The following ATF6 variants were observed in gnomAD, a reference collection of about 807,000 sequenced individuals.
ATF6 encodes cyclic AMP-dependent transcription factor ATF-6 alpha.
A neutral mutation model predicts 83.6 loss-of-function variants in ATF6; 53 were observed. The observed-to-expected ratio is 0.63, with a 90% CI of 0.51 to 0.80. The LOEUF is 0.80. ATF6 is among the 30% of genes least tolerant of loss of function. The probability of loss-of-function intolerance (pLI) is 0.00; values close to 1 mark genes in which losing one functional copy is unlikely to be tolerated. For missense variants in ATF6, 744 were observed against 797.9 expected, an observed-to-expected ratio of 0.93 and a Z score of 0.81; for synonymous variants, 288 against 285.8, an observed-to-expected ratio of 1.01 and a Z score of -0.08.
chr1:161,838,083 C>T (rs1193568703), intron 9 of ATF6, among the ~76,000 whole-genome samples: 1 of 152,166 alleles, frequency 6.6e-6, no homozygotes, highest in African/African-American at 2.4e-5. Context: ...ACTTTAGTAA[C>T]TCTGCCCGTT....
chr1:161,906,163 G>A (rs1405273499), intron 14 of ATF6, among the ~76,000 whole-genome samples: 4 of 152,058 alleles, frequency 2.6e-5, no homozygotes, highest in African/African-American at 9.7e-5. Context: ...GTAATATGAA[G>A]CACATGGGCA....
At chr1:161,897,832 A>T (rs1687707288) in intron 14 of ATF6, among the ~76,000 whole-genome samples, 1 of 152,230 alleles carries the variant, frequency 6.6e-6, no homozygotes. Flanking sequence ...GTAGATTATT[A>T]AAATTAAATT....
At chr1:161,806,591 G>A (rs1039452198) in intron 7 of ATF6, among the ~76,000 whole-genome samples, 5 of 152,154 alleles carry the variant, frequency 3.3e-5, no homozygotes, top group African/African-American at 1.2e-4. Context: ...ACAAACTACT[G>A]TTAGGAGTCT....
At chr1:161,878,095 A>G (rs1442841451) in intron 14 of ATF6, among the ~76,000 whole-genome samples, 1 of 152,028 alleles carries the variant, frequency 6.6e-6, no homozygotes, top group Non-Finnish European at 1.5e-5. Context: ...AAGAGTAATT[A>G]AGAATTGTCA....
At chr1:161,841,803 A>C (rs1265611199) in intron 9 of ATF6, among the ~76,000 whole-genome samples, 1 of 152,198 alleles carries the variant, frequency 6.6e-6, no homozygotes, top group African/African-American at 2.4e-5. Flanking sequence ...GCACTTGGAA[A>C]AATAGTGACC....
At chr1:161,921,293 T>G (rs894848822) in intron 15 of ATF6, among the ~76,000 whole-genome samples, 1 of 152,210 alleles carries the variant, frequency 6.6e-6, no homozygotes, top group Admixed American at 6.5e-5. Flanking sequence ...TTTAGGTCAT[T>G]AATGAGTTGA....
intron 14 of ATF6, among the ~76,000 whole-genome samples, chr1:161,896,714 A>G (rs149255510): frequency 1.2e-4 from 18 of 152,306 alleles, no homozygotes; most frequent in Non-Finnish European, 2.4e-4. Context: ...AAGTTATGCA[A>G]TAGTATATTG....
intron 7 of ATF6, among the ~76,000 whole-genome samples, chr1:161,808,739 T>G (rs1685367074): frequency 6.6e-6 from 1 of 151,974 alleles, no homozygotes; most frequent in Non-Finnish European, 1.5e-5. Flanking sequence ...TTTGATTTTT[T>G]TTTTTGTTTT....
At chr1:161,858,935 G>C (rs1316998672) in intron 12 of ATF6, among the ~76,000 whole-genome samples, 1 of 152,108 alleles carries the variant, frequency 6.6e-6, no homozygotes, top group Non-Finnish European at 1.5e-5. Flanking sequence ...AAACTTCTTT[G>C]CTCATTTCAT....
intron 15 of ATF6, among the ~76,000 whole-genome samples, chr1:161,918,288 G>A (rs1174215810): frequency 6.6e-6 from 1 of 152,048 alleles, no homozygotes; most frequent in Non-Finnish European, 1.5e-5. Context: ...TAGTTAGCAA[G>A]CACAGATTAG....
intron 7 of ATF6, among the ~76,000 whole-genome samples, chr1:161,806,763 G>T (rs986625176): frequency 2.0e-5 from 3 of 152,138 alleles, no homozygotes; most frequent in African/African-American, 7.2e-5. Context: ...TCATGAGAAG[G>T]TAGGTGCTGG....
intron 15 of ATF6, among the ~76,000 whole-genome samples, chr1:161,950,022 T>C (rs1306295572): frequency 1.3e-5 from 2 of 152,226 alleles, no homozygotes; most frequent in Admixed American, 6.5e-5. Context: ...GGTCTAAAAT[T>C]ATAGTGTCAT....
chr1:161,788,242 C>T lies in ATF6; in HGVS notation c.355-3166C>T, dbSNP rs1466865713. Reference sequence around the variant, plus strand: ...GCATTGTCTGCCTTTTTAATTTTTACTCCATGGCACAATGTGTTTTTTTGT... The same window carrying T: ...GCATTGTCTGCCTTTTTAATTTTTATTCCATGGCACAATGTGTTTTTTTGT... On this transcript the variant is annotated intron_variant, in intron 4 of 15. Transcript: ENST00000367942. Among the ~76,000 whole-genome samples the T allele has an allele frequency of 2.0e-5, 3 of 152,180 alleles. No homozygotes were observed. The East Asian group carries it at 5.8e-4, about 29-fold the overall frequency.
At chr1:161,773,418 G>A (rs989053745) in intron 1 of ATF6, among the ~76,000 whole-genome samples, 5 of 152,056 alleles carry the variant, frequency 3.3e-5, no homozygotes, top group African/African-American at 1.2e-4. Context: ...TGAGATTACA[G>A]GCGTCAGCCA....
chr1:161,793,040 A>G (rs1023069535), intron 6 of ATF6, among the ~76,000 whole-genome samples: 1 of 152,220 alleles, frequency 6.6e-6, no homozygotes, highest in African/African-American at 2.4e-5. Flanking sequence ...CAGCATTCTT[A>G]TCTCTGGATT....
chr1:161,776,561 CT>C (rs1222715706), intron 1 of ATF6, among the ~76,000 whole-genome samples: 1 of 151,814 alleles, frequency 6.6e-6, no homozygotes, highest in Non-Finnish European at 1.5e-5. Context: ...ACAGAATTTT[CT>C]GGTAGATTGA....
chr1:161,953,294 G>A (rs1688902729), intron 15 of ATF6, among the ~76,000 whole-genome samples: 3 of 152,168 alleles, frequency 2.0e-5, no homozygotes, highest in Non-Finnish European at 4.4e-5. Flanking sequence ...ACTGTCCTGT[G>A]TGTCACAGAA....
At chr1:161,812,137 T>G (rs2101770662) in intron 7 of ATF6, among the ~76,000 whole-genome samples, 1 of 152,256 alleles carries the variant, frequency 6.6e-6, no homozygotes, top group East Asian at 1.9e-4. Context: ...AGTGCATAAC[T>G]TGTAAATACT....
At chr1:161,958,157 C>T (rs975296502) in intron 15 of ATF6, among the ~76,000 whole-genome samples, 3 of 152,134 alleles carry the variant, frequency 2.0e-5, no homozygotes, top group Admixed American at 6.5e-5. Context: ...ACAAGATATA[C>T]GATGTCTGTG....
Sources: allele counts gnomAD v4.1 joint callset (sites outside exome capture counted in the v4.1 genomes callset), GRCh38; gene constraint gnomAD v4.1.1; transcripts MANE v1.5; gene names NCBI Gene and HGNC (gene_info 2026-07-23, HGNC 2026-07-21).